The following ZNF831 variants were observed in gnomAD, a reference collection of about 807,000 sequenced individuals.
ZNF831 encodes zinc finger protein 831.
ZNF831 carries 59 observed loss-of-function variants against 95.8 expected under a neutral mutation model. The observed-to-expected ratio is 0.62, with a 90% confidence interval of 0.50 to 0.77. The LOEUF (loss-of-function observed/expected upper bound fraction) is 0.77, where lower values mean the gene tolerates loss of function less well. Among genes scored for constraint, ZNF831 ranks in the 30% least tolerant of loss-of-function variants. ZNF831 has a pLI of 0.00. For synonymous variants in ZNF831, 961 were observed against 925.5 expected, an observed-to-expected ratio of 1.04 and a Z score of -0.70; for missense variants, 2,205 against 2,164.0, an observed-to-expected ratio of 1.02 and a Z score of -0.38.
At chr20:59,150,078 G>A (rs956236774) in intron 2 of ZNF831, among the ~76,000 whole-genome samples, 2 of 152,228 alleles carry the variant, frequency 1.3e-5, no homozygotes, top group Non-Finnish European at 2.9e-5. Flanking sequence ...CACAGGAAAC[G>A]TGGCCTCACG....
chr20:59,179,648 G>T (rs1008674968), intron 1 of ZNF831, among the ~76,000 whole-genome samples: 1 of 152,016 alleles, frequency 6.6e-6, no homozygotes, highest in East Asian at 1.9e-4. Flanking sequence ...CTCTGCCTCC[G>T]TCCTCGCGTG....
intron 1 of ZNF831, among the ~76,000 whole-genome samples, chr20:59,142,056 A>G (rs1436742791): frequency 1.3e-5 from 2 of 152,162 alleles, no homozygotes; most frequent in Non-Finnish European, 2.9e-5. Context: ...GCAATCCTCT[A>G]TGGATGGCTT....
intron 4 of ZNF831, among the ~76,000 whole-genome samples, chr20:59,218,185 C>A (rs78701043): frequency 2.0e-5 from 3 of 152,212 alleles, no homozygotes; most frequent in African/African-American, 7.2e-5. Flanking sequence ...TTTCTCAGCC[C>A]TTCCTGGGTT....
At chr20:59,172,107 G>A (rs929277412) in intron 1 of ZNF831, among the ~76,000 whole-genome samples, 1 of 152,134 alleles carries the variant, frequency 6.6e-6, no homozygotes, top group African/African-American at 2.4e-5. Flanking sequence ...GTAAAGGGCC[G>A]TGAGTCTCCA....
chr20:59,138,499 C>T (rs1245270692), intron 1 of ZNF831, among the ~76,000 whole-genome samples: 2 of 152,208 alleles, frequency 1.3e-5, no homozygotes, highest in African/African-American at 2.4e-5. Context: ...TGCTTGCTCT[C>T]TGCTCTGCCT....
chr20:59,240,808 T>C (rs555198548), intron 4 of ZNF831, among the ~76,000 whole-genome samples: 1 of 151,676 alleles, frequency 6.6e-6, no homozygotes, highest in South Asian at 2.1e-4. Flanking sequence ...TCTCAAAAAA[T>C]AAATAAATAA....
intron 4 of ZNF831, among the ~76,000 whole-genome samples, chr20:59,209,193 G>A (rs978453074): frequency 1.3e-5 from 2 of 152,168 alleles, no homozygotes; most frequent in Admixed American, 1.3e-4. Flanking sequence ...GAGATTCAAG[G>A]TGCAGCAATG....
At chr20:59,234,391 G>A (rs1183007161) in intron 4 of ZNF831, among the ~76,000 whole-genome samples, 4 of 152,188 alleles carry the variant, frequency 2.6e-5, no homozygotes, top group African/African-American at 7.2e-5. Flanking sequence ...TTGAGTAAAG[G>A]CCCTCCATTT....
Position 59,253,891 on chromosome 20 carries a change from G to A in ZNF831, c.4189-7G>A, listed in dbSNP as rs374010634. On this transcript the variant is annotated splice_polypyrimidine_tract_variant and splice_region_variant and intron_variant, in intron 5 of 5. Coordinates refer to ENST00000371030, the MANE Select transcript of ZNF831 (RefSeq NM_178457.3). ...CCACTTTTTTTTTCCTTTGCACTTTGTTGCAGGATATTTCTCCATCTGCTG... is the reference window on the plus strand; with the variant it reads ...CCACTTTTTTTTTCCTTTGCACTTTATTGCAGGATATTTCTCCATCTGCTG... 9.2e-7 allele frequency: 1 copy of A among 1,082,164 alleles called. No individual in the cohort carries two copies. 67.0% of individuals were successfully genotyped at this position (1,082,164 alleles called of 1,614,324 possible).
chr20:59,149,437 A>G (rs1259538518), intron 2 of ZNF831, among the ~76,000 whole-genome samples: 1 of 152,204 alleles, frequency 6.6e-6, no homozygotes, highest in South Asian at 2.1e-4. Context: ...GCCTTCCCCA[A>G]TACCATTTTA....
At chr20:59,230,401 G>A (rs1041769338) in intron 4 of ZNF831, among the ~76,000 whole-genome samples, 13 of 152,252 alleles carry the variant, frequency 8.5e-5, no homozygotes, top group African/African-American at 3.1e-4. Flanking sequence ...GAACCCAGGA[G>A]ATGGAGGTTG....
chr20:59,201,719 T>A (rs1001722859), intron 3 of ZNF831, among the ~76,000 whole-genome samples: 1 of 152,228 alleles, frequency 6.6e-6, no homozygotes, highest in East Asian at 1.9e-4. Flanking sequence ...CATCATTTGT[T>A]GATCTATTTG....
intron 4 of ZNF831, among the ~76,000 whole-genome samples, chr20:59,222,137 AC>A: frequency 6.6e-6 from 1 of 152,110 alleles, no homozygotes; most frequent in East Asian, 1.9e-4. Flanking sequence ...TTTAACCCCT[AC>A]TCAGGGGCTG....
Position 59,124,854 on chromosome 20 carries a change from C to T in ZNF831, c.-1425+1349C>T, listed in dbSNP as rs547860580. ...GGAACCTCTAGTTGGTTTCGGTGTC[C>T]ACCCTCCTCCACGCTGGGAGTGTGT... On this transcript the variant is annotated intron_variant, in intron 1 of 7. Coordinates refer to the ZNF831 transcript ENST00000637017. Among the ~76,000 whole-genome samples, 4 of 152,288 alleles carry T rather than the reference C, an allele frequency of 2.6e-5. No homozygotes were observed. The South Asian group carries it at 8.3e-4, about 32-fold the overall frequency.
chr20:59,238,358 C>T (rs978004837), intron 4 of ZNF831, among the ~76,000 whole-genome samples: 1 of 152,162 alleles, frequency 6.6e-6, no homozygotes, highest in African/African-American at 2.4e-5. Flanking sequence ...CCTGACCCCC[C>T]AGTTTCCTCT....
chr20:59,200,300 C>T (rs1418145301), intron 3 of ZNF831, among the ~76,000 whole-genome samples: 1 of 152,128 alleles, frequency 6.6e-6, no homozygotes, highest in Non-Finnish European at 1.5e-5. Context: ...TGTTCCCTCT[C>T]CTTCCTTTCT....
intron 2 of ZNF831, among the ~76,000 whole-genome samples, chr20:59,153,428 T>G (rs1170101555): frequency 6.6e-6 from 1 of 152,232 alleles, no homozygotes; most frequent in Non-Finnish European, 1.5e-5. Context: ...AGCCTCCCCC[T>G]GGGAGCGGAA....
rs78151572 is a variant in ZNF831 at position 59,205,475 on chromosome 20, G to C, written c.3876-1430G>C. Among the ~76,000 whole-genome samples the C allele has an allele frequency of 6.5e-3, 983 of 152,324 alleles. 24 individuals are homozygous for C. The highest frequency in any genetic ancestry group is 0.046 in the Admixed American group (707 of 15,302). ...GGGAGGCAATCATGCCCAGTTGAGG[G>C]GAGCTTCTCCCAAACACAGAGGCCG... On this transcript the variant is annotated intron_variant, in intron 3 of 5. Transcript: ENST00000371030.
chr20:59,135,740 T>TA (rs1979489838), intron 1 of ZNF831, among the ~76,000 whole-genome samples: 1 of 151,746 alleles, frequency 6.6e-6, no homozygotes, highest in African/African-American at 2.4e-5. Context: ...CAAAAAAAAA[T>TA]AATAATAATA....
Sources: allele counts gnomAD v4.1 joint callset (sites outside exome capture counted in the v4.1 genomes callset), GRCh38; gene constraint gnomAD v4.1.1; transcripts MANE v1.5; gene names NCBI Gene and HGNC (gene_info 2026-07-23, HGNC 2026-07-21).